Variants in LIMD1 observed in about 807,000 individuals in gnomAD.
LIMD1 encodes LIM domain containing 1, also known as LIM domain-containing protein 1.
Under a neutral mutation model 58.4 loss-of-function variants are expected in LIMD1, and 23 were observed. The ratio of observed to expected loss-of-function variants is 0.39; its 90% CI spans 0.28 to 0.56. The LOEUF is 0.56. Ranked by LOEUF, LIMD1 falls within the 20% of genes least tolerant of loss-of-function variation. LIMD1 has a pLI of 0.57. For missense variants in LIMD1, 838 were observed against 855.5 expected (o/e 0.98, Z 0.25); for synonymous variants, 334 against 345.5 (o/e 0.97, Z 0.37).
chr3:45,663,684 C>G (rs1004994761), intron 2 of LIMD1, among the ~76,000 whole-genome samples: 1 of 151,860 alleles, frequency 6.6e-6, no homozygotes, highest in Non-Finnish European at 1.5e-5. Context: ...TTATCTTTTT[C>G]TTATTAATTG....
intron 2 of LIMD1, among the ~76,000 whole-genome samples, chr3:45,654,547 A>G (rs1702006260): frequency 2.0e-5 from 3 of 152,028 alleles, no homozygotes; most frequent in African/African-American, 7.2e-5. Context: ...ATACTCATTC[A>G]CGGCCTGCAG....
chr3:45,663,664 A>G (rs941890876), intron 2 of LIMD1, among the ~76,000 whole-genome samples: 1 of 151,772 alleles, frequency 6.6e-6, no homozygotes, highest in African/African-American at 2.4e-5. Context: ...TCATTTCCCC[A>G]TTGGATTATT....
At chr3:45,675,661 G>A (rs1323056778) in intron 7 of LIMD1, among the ~76,000 whole-genome samples, 1 of 151,708 alleles carries the variant, frequency 6.6e-6, no homozygotes, top group Admixed American at 6.6e-5. Context: ...AAGTTTTCTG[G>A]TAGTCACAAT....
intron 2 of LIMD1, among the ~76,000 whole-genome samples, chr3:45,662,763 G>A (rs374796452): frequency 1.3e-5 from 2 of 152,140 alleles, no homozygotes; most frequent in African/African-American, 2.4e-5. Context: ...TTGGGAGGCC[G>A]AGGTGGGTGG....
chr3:45,609,880 C>T (rs1442462498), intron 1 of LIMD1, among the ~76,000 whole-genome samples: 2 of 152,132 alleles, frequency 1.3e-5, no homozygotes, highest in African/African-American at 2.4e-5. Context: ...GCCTGGCACA[C>T]AGCAGGTACC....
At chr3:45,624,593 G>A (rs1265686976) in intron 1 of LIMD1, among the ~76,000 whole-genome samples, 1 of 152,134 alleles carries the variant, frequency 6.6e-6, no homozygotes, top group Admixed American at 6.6e-5. Context: ...TGTGGTGGCG[G>A]GCGCCTGTAG....
chr3:45,595,184 C>T lies in LIMD1; in HGVS notation c.305C>T (p.Ala102Val). ...VVGSKLTVDG[A>V]AKPPLAASTG... ...GGCAGCAAGCTGACTGTGGATGGTG[C>T]TGCCAAGCCTCCTCTTGCTGCCTCG... Residue 102 changes from alanine (A) to valine (V), a missense_variant, in exon 1 of 8, where the codon GCT (alanine) becomes GTT (valine). Physicochemically the swap from Ala to Val is moderately conservative, Grantham distance 64. Coordinates refer to ENST00000273317, the MANE Select transcript of LIMD1 (RefSeq NM_014240.3). 6.2e-7 allele frequency: 1 copy of T among 1,602,398 alleles called. No homozygotes were observed. Among genetic ancestry groups the T allele is most frequent in the East Asian group, 2.2e-5 (1 of 44,720 alleles).
At chr3:45,637,307 G>C (rs1701798681) in intron 2 of LIMD1, among the ~76,000 whole-genome samples, 1 of 148,792 alleles carries the variant, frequency 6.7e-6, no homozygotes, top group Non-Finnish European at 1.5e-5. Context: ...TTGAGACGGA[G>C]TCTCGCTTTG....
At chr3:45,608,390 C>T (rs1233147125) in intron 1 of LIMD1, among the ~76,000 whole-genome samples, 1 of 152,082 alleles carries the variant, frequency 6.6e-6, no homozygotes, top group African/African-American at 2.4e-5. Flanking sequence ...GCGGGGGCAT[C>T]GCAGGCATGT....
At chr3:45,604,508 T>A (rs977993989) in intron 1 of LIMD1, among the ~76,000 whole-genome samples, 1 of 152,148 alleles carries the variant, frequency 6.6e-6, no homozygotes, top group African/African-American at 2.4e-5. Context: ...CTGGGTTGAG[T>A]GCTGTGGGGA....
intron 2 of LIMD1, among the ~76,000 whole-genome samples, chr3:45,639,608 T>C (rs975622050): frequency 6.6e-6 from 1 of 152,194 alleles, no homozygotes; most frequent in African/African-American, 2.4e-5. Flanking sequence ...TTCCACCTCA[T>C]GAGAATCACC....
In LIMD1 at chr3:45,683,888, G is replaced by GT. The variant is rs1697775901; in HGVS notation, c.*6829_*6830insT. 1 of 152,206 alleles carries GT rather than the reference G, an allele frequency of 6.6e-6. No homozygotes were observed. The highest frequency in any genetic ancestry group is 1.5e-5 in the Non-Finnish European group (1 of 68,034). The allele number at this position is 152,206 out of a possible 1,614,324, so 9.4% of individuals were successfully genotyped here. ...TGGACACCCTCCACCGGTAACAGGAGGAGCATTAGTCAGCCTACCACAGAC... is the reference window on the plus strand; with the variant it reads ...TGGACACCCTCCACCGGTAACAGGAGTGAGCATTAGTCAGCCTACCACAGAC... On this transcript the variant is annotated 3_prime_UTR_variant, in exon 8 of 8. Coordinates refer to ENST00000273317, the MANE Select transcript of LIMD1 (RefSeq NM_014240.3).
At position 45,684,256 on chromosome 3, in the gene LIMD1, A is replaced by G. The variant is rs933422732; in HGVS notation, c.*7197A>G. 6.6e-6 allele frequency: 1 copy of G among 152,224 alleles called. No homozygotes were observed. The highest frequency in any genetic ancestry group is 1.5e-5 in the Non-Finnish European group (1 of 68,070). 9.4% of individuals were successfully genotyped at this position (152,224 alleles called of 1,614,324 possible). The stretch of plus-strand genomic sequence containing the variant: ...ACTTGGTCACATACATGTCCCTCCA[A>G]CTAATCCTAGCTCTCAAGGACAGGT... On this transcript the variant is annotated 3_prime_UTR_variant, in exon 8 of 8. Coordinates refer to ENST00000273317, the MANE Select transcript of LIMD1 (RefSeq NM_014240.3).
Position 45,676,835 on chromosome 3 carries a change from T to A in LIMD1, c.1894-87T>A, listed in dbSNP as rs7640969. 2.3e-4 allele frequency: 295 copies of A among 1,277,088 alleles called. 3 individuals carry two copies. Among genetic ancestry groups the A allele is most frequent in the South Asian group, 1.9e-3 (154 of 81,242 alleles). The allele number at this position is 1,277,088 out of a possible 1,614,324, so 79.1% of individuals were successfully genotyped here. ...GCCTATACAGAAACACACAGCACCCTCTGCTGATTTTGGGGACTGTGGCCT... is the reference window on the plus strand; with the variant it reads ...GCCTATACAGAAACACACAGCACCCACTGCTGATTTTGGGGACTGTGGCCT... On this transcript the variant is annotated intron_variant, in intron 7 of 7. Coordinates refer to ENST00000273317, the MANE Select transcript of LIMD1 (RefSeq NM_014240.3).
chr3:45,607,686 C>CT (rs35726814), intron 1 of LIMD1, among the ~76,000 whole-genome samples: 92,818 of 151,996 alleles, frequency 0.61, 28,736 homozygotes, highest in Non-Finnish European at 0.67. Context: ...AGGCACCCCT[C>CT]TTAGCAGGCA....
At chr3:45,613,795 A>G (rs1701551783) in intron 1 of LIMD1, among the ~76,000 whole-genome samples, 20 of 152,048 alleles carry the variant, frequency 1.3e-4, no homozygotes, top group Admixed American at 1.3e-3. Context: ...ACTGCACCTT[A>G]TATGTACAAG....
chr3:45,595,988 C>G lies in LIMD1; in HGVS notation c.1109C>G (p.Pro370Arg), dbSNP rs765330772. ...CAGGGTGCGGTCCCTGGGCTGGGGCCGAAGCCTGGCTGCACAGACCTTGGC... is the reference window on the plus strand; with the variant it reads ...CAGGGTGCGGTCCCTGGGCTGGGGCGGAAGCCTGGCTGCACAGACCTTGGC... ...SQQGAVPGLG[P>R]KPGCTDLGTG... Residue 370 changes from proline (P) to arginine (R), a missense_variant, in exon 1 of 8, where the codon CCG becomes CGG. Physicochemically the swap from Pro to Arg is moderately radical, Grantham distance 103. Coordinates refer to ENST00000273317, the MANE Select transcript of LIMD1 (RefSeq NM_014240.3). 8.1e-6 allele frequency: 13 copies of G among 1,614,074 alleles called. No homozygotes were observed. Among genetic ancestry groups the G allele is most frequent in the East Asian group, 4.5e-5 (2 of 44,900 alleles).
intron 6 of LIMD1, chr3:45,673,745 C>G: frequency 5.5e-6 from 3 of 546,506 alleles, no homozygotes; most frequent in Non-Finnish European, 9.9e-6. Context: ...AAGACCTCAT[C>G]TCTACAAAAA....
intron 2 of LIMD1, among the ~76,000 whole-genome samples, chr3:45,642,108 G>A (rs1463801404): frequency 6.6e-6 from 1 of 152,140 alleles, no homozygotes; most frequent in Non-Finnish European, 1.5e-5. Context: ...CCCTTACACG[G>A]ATATGAACAT....
Sources: gnomAD v4.1 joint callset for allele counts (sites outside exome capture counted in the v4.1 genomes callset) on GRCh38, gnomAD v4.1.1 for gene constraint, MANE v1.5 for transcripts, NCBI Gene and HGNC (gene_info 2026-07-23, HGNC 2026-07-21) for gene names.